Variants in PBRM1 observed in about 807,000 individuals in gnomAD.
The protein encoded by PBRM1 is protein polybromo-1.
PBRM1 carries 27 observed loss-of-function variants against 194.5 expected under a neutral mutation model. The ratio of observed to expected loss-of-function variants is 0.14; its 90% CI spans 0.10 to 0.19. The LOEUF is 0.19. Ranked by LOEUF, PBRM1 falls within the 10% of genes least tolerant of loss-of-function variation. The probability of loss-of-function intolerance (pLI) is 1.00; values close to 1 mark genes in which losing one functional copy is unlikely to be tolerated. For missense variants in PBRM1, 1,466 were observed against 2,077.2 expected (o/e 0.71, Z 5.72); for synonymous variants, 655 against 693.2 (o/e 0.94, Z 0.87).
chr3:52,608,532 C>T (rs1413224656), intron 16 of PBRM1, among the ~76,000 whole-genome samples: 1 of 152,038 alleles, frequency 6.6e-6, no homozygotes, highest in African/African-American at 2.4e-5. Flanking sequence ...AGGTTCAGAG[C>T]AAATTCTGAT....
intron 22 of PBRM1, 99 bp from the exon 25 acceptor site, chr3:52,564,332 A>C: frequency 1.2e-6 from 1 of 865,570 alleles, no homozygotes; most frequent in Non-Finnish European, 1.8e-6. Context: ...ACATTCATAT[A>C]ATTAACAATT....
At chr3:52,550,526 G>A (rs2153374175) in exon 29 of PBRM1, 1 of 1,578,600 alleles carries the variant, frequency 6.3e-7, no homozygotes, top group Non-Finnish European at 8.6e-7. Flanking sequence ...GTCTTTGGTG[G>A]GGGAGCTACA....
exon 23 of PBRM1, chr3:52,564,176 G>A (rs1370720673): frequency 6.2e-7 from 1 of 1,613,560 alleles, no homozygotes; most frequent in Non-Finnish European, 8.5e-7. Flanking sequence ...GTCATTTTCT[G>A]GTATTTCAGT....
At chr3:52,622,976 G>C (rs2095331582) in intron 13 of PBRM1, among the ~76,000 whole-genome samples, 1 of 152,076 alleles carries the variant, frequency 6.6e-6, no homozygotes, top group African/African-American at 2.4e-5. Context: ...TTCAAATTCA[G>C]AATCAAATAT....
exon 20 of PBRM1, chr3:52,586,560 C>A (rs2153771549): frequency 8.1e-6 from 13 of 1,614,042 alleles, no homozygotes; most frequent in Non-Finnish European, 1.1e-5. Flanking sequence ...GAGGGACAAA[C>A]CTGACTGAGC....
chr3:52,674,669 C>G (rs1367986874), intron 2 of PBRM1, among the ~76,000 whole-genome samples: 1 of 144,192 alleles, frequency 6.9e-6, no homozygotes, highest in East Asian at 2.0e-4. Flanking sequence ...TATATATACA[C>G]ACACACACAC....
chr3:52,616,013 C>A (rs577555653), intron 14 of PBRM1, among the ~76,000 whole-genome samples: 1 of 152,152 alleles, frequency 6.6e-6, no homozygotes, highest in Admixed American at 6.5e-5. Context: ...TGCTTTGCAT[C>A]CACAGCCCCT....
Position 52,624,882 on chromosome 3 carries a change from A to G in PBRM1, c.1541+2391T>C. The G allele has an allele frequency of 6.6e-7, 1 of 1,511,310 alleles. No individual in the cohort carries two copies. The highest frequency in any genetic ancestry group is 9.0e-7 in the Non-Finnish European group (1 of 1,111,200). The allele number at this position is 1,511,310 out of a possible 1,614,324, so 93.6% of individuals were successfully genotyped here. On this transcript the variant is annotated intron_variant, in intron 13 of 29. Coordinates refer to ENST00000296302, the Ensembl canonical transcript of PBRM1. ...ACTTTAAAAGAATGTTTATGCATAA[A>G]AAAGGACTGCACACCTGGATAGCCT...
intron 22 of PBRM1, among the ~76,000 whole-genome samples, chr3:52,575,675 T>G: frequency 7.0e-6 from 1 of 142,876 alleles, no homozygotes; most frequent in East Asian, 2.0e-4. Flanking sequence ...CCAAATAATT[T>G]TTTTTTTTTT....
At chr3:52,674,607 C>G (rs898280414) in intron 2 of PBRM1, among the ~76,000 whole-genome samples, 2 of 131,888 alleles carry the variant, frequency 1.5e-5, no homozygotes, top group African/African-American at 6.1e-5. Flanking sequence ...CTGGGCAACA[C>G]AGGGAAACCC....
chr3:52,685,088 T>C (rs919297044), intron 1 of PBRM1, among the ~76,000 whole-genome samples: 2 of 152,228 alleles, frequency 1.3e-5, no homozygotes, highest in Non-Finnish European at 2.9e-5. Flanking sequence ...AACATACGCT[T>C]CTATAATTAT....
At chr3:52,628,586 G>A (rs1045371501) in intron 12 of PBRM1, among the ~76,000 whole-genome samples, 3 of 151,580 alleles carry the variant, frequency 2.0e-5, no homozygotes, top group African/African-American at 4.8e-5. Context: ...CCCTCCCACC[G>A]CAGCCTCCTG....
chr3:52,665,960 T>A (rs2096825525), intron 3 of PBRM1, among the ~76,000 whole-genome samples: 1 of 152,204 alleles, frequency 6.6e-6, no homozygotes, highest in South Asian at 2.1e-4. Context: ...AGCTTCTGGC[T>A]TTGAATAAGT....
chr3:52,564,696 T>C (rs1050904789), intron 22 of PBRM1, among the ~76,000 whole-genome samples: 3 of 151,242 alleles, frequency 2.0e-5, no homozygotes, highest in African/African-American at 7.3e-5. Context: ...GGCATAAGGA[T>C]AGAATATATA....
intron 17 of PBRM1, among the ~76,000 whole-genome samples, chr3:52,594,061 GA>G (rs2093349817): frequency 6.6e-6 from 1 of 152,156 alleles, no homozygotes; most frequent in Non-Finnish European, 1.5e-5. Flanking sequence ...GGAGTTTTAA[GA>G]GATGAGGTGA....
chr3:52,683,213 T>TA (rs11431546), upstream of PBRM1, among the ~76,000 whole-genome samples: 26 of 145,726 alleles, frequency 1.8e-4, no homozygotes, highest in Middle Eastern at 7.1e-3. Context: ...AAAAAAATAA[T>TA]AAAAAAAAAA....
Position 52,558,140 on chromosome 3 carries a change from A to C in PBRM1, c.4453+109T>G, listed in dbSNP as rs1157590884. 5.3e-6 allele frequency: 4 copies of C among 753,826 alleles called. No homozygotes were observed. In the African/African-American group the frequency reaches 7.1e-5, roughly 13 times the overall value. The allele number at this position is 753,826 out of a possible 1,614,324, so 46.7% of individuals were successfully genotyped here. A position where few individuals can be genotyped will look rare whatever the true frequency, so the allele number is the denominator to read the frequency against. Reference sequence around the variant, plus strand: ...ACAACATGGATGACTTCAAACTTTGAATCTGTCATGAGAAAAGGCAATAGA... The same window carrying C: ...ACAACATGGATGACTTCAAACTTTGCATCTGTCATGAGAAAAGGCAATAGA... On this transcript the variant is annotated intron_variant, in intron 26 of 29. Coordinates refer to ENST00000296302, the Ensembl canonical transcript of PBRM1.
At chr3:52,547,411 C>T (rs2079817177), downstream of PBRM1, 1 of 233,170 alleles carries the variant, frequency 4.3e-6, no homozygotes, top group Non-Finnish European at 8.5e-6. Flanking sequence ...GCACTGATTA[C>T]ATATTTCTGT....
In PBRM1 at chr3:52,609,159, T is replaced by C. The variant is rs2094492761; in HGVS notation, c.2567+154A>G. The stretch of plus-strand genomic sequence containing the variant: ...TCTCCCCCACAGAATATACTCACTC[T>C]TAAGAAGTTCTGGCTGATTAGAATT... On this transcript the variant is annotated intron_variant, in intron 16 of 29. Coordinates refer to ENST00000296302, the Ensembl canonical transcript of PBRM1. This position sits in a 1 kb window ranked among gnomAD's most constrained non-coding sequence, Gnocchi z 4.1. 1 of 640,610 alleles carries C rather than the reference T, an allele frequency of 1.6e-6. No homozygotes were observed. The highest frequency in any genetic ancestry group is 1.8e-5 in the African/African-American group (1 of 54,486). The allele number at this position is 640,610 out of a possible 1,614,324, so 39.7% of individuals were successfully genotyped here.
Sources: allele counts gnomAD v4.1 joint callset (sites outside exome capture counted in the v4.1 genomes callset), GRCh38; gene constraint gnomAD v4.1.1; non-coding constraint Gnocchi (gnomAD v3.1); transcripts MANE v1.5; gene names NCBI Gene and HGNC (gene_info 2026-07-23, HGNC 2026-07-21).